SLC2A13: variants seen among roughly 807,000 people sequenced by gnomAD.
SLC2A13 encodes proton myo-inositol cotransporter.
In SLC2A13, 32 loss-of-function variants were observed where a neutral mutation model predicts 64.4. That is an observed-to-expected ratio of 0.50 (90% CI 0.37 to 0.67). SLC2A13 has a LOEUF of 0.67. Ranked by LOEUF, SLC2A13 falls within the 30% of genes least tolerant of loss-of-function variation. The pLI is 0.00. For synonymous variants in SLC2A13, 338 were observed against 327.1 expected, an observed-to-expected ratio of 1.03 and a Z score of -0.36; for missense variants, 743 against 829.2, an observed-to-expected ratio of 0.90 and a Z score of 1.28.
chr12:39,895,114 C>T (rs866253902), intron 4 of SLC2A13, among the ~76,000 whole-genome samples: 2 of 152,170 alleles, frequency 1.3e-5, no homozygotes, highest in South Asian at 4.2e-4. Flanking sequence ...AGTGATTGTC[C>T]CACCTCAGCC....
intron 4 of SLC2A13, among the ~76,000 whole-genome samples, chr12:39,900,873 A>G (rs1400298865): frequency 2.0e-5 from 3 of 152,342 alleles, no homozygotes; most frequent in South Asian, 2.1e-4. Context: ...AAGATCCCGC[A>G]TCGCCAAGTC....
chr12:39,830,243 G>A lies in SLC2A13; in HGVS notation c.1320-15C>T. The A allele has an allele frequency of 6.2e-7, 1 of 1,609,876 alleles. No homozygotes were observed. Among genetic ancestry groups the A allele is most frequent in the Non-Finnish European group, 8.5e-7 (1 of 1,177,408 alleles). ...CATTACAGTAACTGAAAAATGAAAA[G>A]AGTTACCGTCATGTTGGCAGAGACA... On this transcript the variant is annotated splice_polypyrimidine_tract_variant and intron_variant, in intron 6 of 9. Coordinates refer to ENST00000280871, the MANE Select transcript of SLC2A13 (RefSeq NM_052885.4).
At chr12:39,990,711 G>T (rs1947121320) in intron 3 of SLC2A13, among the ~76,000 whole-genome samples, 1 of 152,138 alleles carries the variant, frequency 6.6e-6, no homozygotes, top group Non-Finnish European at 1.5e-5. Flanking sequence ...CCCCCTAGTG[G>T]CAGCTGTGCT....
chr12:39,940,613 C>G lies in SLC2A13; in HGVS notation c.1034+10644G>C, dbSNP rs1050485417. Among the ~76,000 whole-genome samples, 155 of 152,112 alleles carry G rather than the reference C, an allele frequency of 1.0e-3. 1 individual carries two copies. The highest frequency in any genetic ancestry group is 3.4e-3 in the African/African-American group (142 of 41,504). The stretch of plus-strand genomic sequence containing the variant: ...GCTAGGTACCAGAAAACTTAAGAAC[C>G]TGATGAGGTTAATGGTTCTTGAGAT... On this transcript the variant is annotated intron_variant, in intron 4 of 9. Transcript: ENST00000280871.
chr12:39,792,938 A>G (rs1394530053), intron 7 of SLC2A13, among the ~76,000 whole-genome samples: 1 of 152,150 alleles, frequency 6.6e-6, no homozygotes, highest in African/African-American at 2.4e-5. Context: ...TGTGAACCAA[A>G]GTTATGAACT....
intron 3 of SLC2A13, among the ~76,000 whole-genome samples, chr12:39,995,807 G>A (rs1947218546): frequency 6.6e-6 from 1 of 152,130 alleles, no homozygotes; most frequent in Non-Finnish European, 1.5e-5. Flanking sequence ...CACAAGATCT[G>A]ATAGTTTTAA....
At chr12:39,936,267 T>C (rs1945915699) in intron 4 of SLC2A13, among the ~76,000 whole-genome samples, 1 of 152,154 alleles carries the variant, frequency 6.6e-6, no homozygotes. Context: ...CTTTTTCTCT[T>C]TGGGAATTAA....
intron 4 of SLC2A13, among the ~76,000 whole-genome samples, chr12:39,939,398 G>A (rs1245473817): frequency 6.6e-6 from 1 of 152,208 alleles, no homozygotes; most frequent in African/African-American, 2.4e-5. Context: ...TGCTAGGATA[G>A]TGAGTTACCT....
At chr12:39,861,977 T>C (rs990850398) in intron 6 of SLC2A13, among the ~76,000 whole-genome samples, 1 of 152,160 alleles carries the variant, frequency 6.6e-6, no homozygotes, top group African/African-American at 2.4e-5. Flanking sequence ...ACCCATCACC[T>C]AGGTATTAAG....
At chr12:39,921,693 A>C (rs1451099934) in intron 4 of SLC2A13, among the ~76,000 whole-genome samples, 1 of 152,136 alleles carries the variant, frequency 6.6e-6, no homozygotes, top group Non-Finnish European at 1.5e-5. Flanking sequence ...CTTAAGTTCA[A>C]GTAACCCTAA....
chr12:40,069,755 A>T (rs1047767933), intron 1 of SLC2A13, among the ~76,000 whole-genome samples: 9 of 152,150 alleles, frequency 5.9e-5, no homozygotes, highest in African/African-American at 2.2e-4. Context: ...TCTAATTATT[A>T]GGCATGTAAC....
chr12:39,974,211 T>C (rs1225112910), intron 3 of SLC2A13, among the ~76,000 whole-genome samples: 1 of 152,242 alleles, frequency 6.6e-6, no homozygotes, highest in East Asian at 1.9e-4. Flanking sequence ...TTTATGCAGA[T>C]CCCAGAACTG....
At chr12:39,790,127 CT>C (rs59535689) in intron 7 of SLC2A13, among the ~76,000 whole-genome samples, 131,567 of 145,614 alleles carry the variant, frequency 0.9, 60,018 homozygotes, top group East Asian at 0.98. Flanking sequence ...CTTTTGTGTT[CT>C]TTTTTTTTTT....
At chr12:39,913,466 A>G (rs1945464093) in intron 4 of SLC2A13, among the ~76,000 whole-genome samples, 1 of 151,796 alleles carries the variant, frequency 6.6e-6, no homozygotes, top group African/African-American at 2.4e-5. Context: ...ATAAGCATAT[A>G]TTTTTCAAAT....
chr12:39,946,508 T>G (rs1946136282), intron 4 of SLC2A13, among the ~76,000 whole-genome samples: 1 of 152,196 alleles, frequency 6.6e-6, no homozygotes, highest in African/African-American at 2.4e-5. Context: ...ATGTCTGAGC[T>G]CAAACTCTCC....
chr12:40,078,607 T>A (rs1031389901), intron 1 of SLC2A13, among the ~76,000 whole-genome samples: 1 of 152,170 alleles, frequency 6.6e-6, no homozygotes, highest in Non-Finnish European at 1.5e-5. Flanking sequence ...TCATCTTTTA[T>A]TGTGTCTGCC....
chr12:39,848,177 T>A (rs1430411821), intron 6 of SLC2A13, among the ~76,000 whole-genome samples: 1 of 152,070 alleles, frequency 6.6e-6, no homozygotes, highest in African/African-American at 2.4e-5. Flanking sequence ...AATTGACAAG[T>A]GGGATCTAAT....
At chr12:39,878,836 C>A (rs1944265696) in intron 4 of SLC2A13, among the ~76,000 whole-genome samples, 1 of 152,192 alleles carries the variant, frequency 6.6e-6, no homozygotes, top group African/African-American at 2.4e-5. Context: ...GTGCTAATAG[C>A]CAAGACTATG....
At chr12:39,929,356 G>A (rs186516898) in intron 4 of SLC2A13, among the ~76,000 whole-genome samples, 1 of 152,136 alleles carries the variant, frequency 6.6e-6, no homozygotes, top group East Asian at 1.9e-4. Flanking sequence ...TTCGAGACTA[G>A]CCTGGCCAAG....
Sources: allele counts gnomAD v4.1 joint callset (sites outside exome capture counted in the v4.1 genomes callset), GRCh38; gene constraint gnomAD v4.1.1; transcripts MANE v1.5; gene names NCBI Gene and HGNC (gene_info 2026-07-23, HGNC 2026-07-21).